MAPK14: variants seen among roughly 807,000 people sequenced by gnomAD.
The protein encoded by MAPK14 is mitogen-activated protein kinase 14.
MAPK14 carries 16 observed loss-of-function variants against 49.6 expected under a neutral mutation model. The observed-to-expected ratio is 0.32, with a 90% CI of 0.22 to 0.49. MAPK14 has a LOEUF of 0.49. Among genes scored for constraint, MAPK14 ranks in the 20% least tolerant of loss-of-function variants. MAPK14 has a pLI of 0.99. For missense variants in MAPK14, 200 were observed against 441.2 expected (o/e 0.45, Z 4.90); for synonymous variants, 142 against 158.0 (o/e 0.90, Z 0.76).
rs1462516796 is a variant in MAPK14, at chr6:36,062,074, T to A, written c.305+2727T>A. The stretch of plus-strand genomic sequence containing the variant: ...CTCACTGCCACCTCTGCCTCCCAGC[T>A]CATGCAATCCTCCCACCTCAGTCCC... On this transcript the variant is annotated intron_variant, in intron 3 of 11. Coordinates refer to ENST00000229794, the MANE Select transcript of MAPK14 (RefSeq NM_139012.3). Among the ~76,000 whole-genome samples the A allele has an allele frequency of 2.6e-5, 4 of 152,282 alleles. No homozygotes were observed. In the South Asian group the frequency reaches 8.3e-4, roughly 32 times the overall value.
Position 36,107,432 on chromosome 6 carries a change from C to T in MAPK14, c.842-23C>T. 1 of 1,466,850 alleles carries T rather than the reference C, an allele frequency of 6.8e-7. No homozygotes were observed. The highest frequency in any genetic ancestry group is 9.1e-7 in the Non-Finnish European group (1 of 1,101,866). The allele number at this position is 1,466,850 out of a possible 1,614,324, so 90.9% of individuals were successfully genotyped here. ...TTGTAACATGTTAAAAACTCTTTTC[C>T]TTCCTGTCTATGGTACTGATAGCTG... On this transcript the variant is annotated intron_variant, in intron 10 of 11. Transcript: ENST00000229794. This position sits in a 1 kb window ranked among gnomAD's most constrained non-coding sequence, Gnocchi z 4.3.
intron 7 of MAPK14, 105 bp downstream of exon 7, chr6:36,076,067 T>C: frequency 8.4e-7 from 1 of 1,190,030 alleles, no homozygotes; most frequent in East Asian, 2.5e-5. Context: ...TGTCTTTTCT[T>C]CCCTCAGTGA....
At chr6:36,104,068 C>T (rs952613373) in intron 10 of MAPK14, among the ~76,000 whole-genome samples, 4 of 152,132 alleles carry the variant, frequency 2.6e-5, no homozygotes, top group African/African-American at 9.7e-5. Flanking sequence ...ATTTTAGTGT[C>T]GCTGTGATAA....
chr6:36,052,910 A>G, intron 2 of MAPK14, 82 bp downstream of exon 2: 5 of 1,258,868 alleles, frequency 4.0e-6, no homozygotes, highest in Non-Finnish European at 3.3e-6. Context: ...AGATGGAAAT[A>G]CGCTGGAGTG....
intron 1 of MAPK14, among the ~76,000 whole-genome samples, chr6:36,037,746 G>T (rs1644876855): frequency 6.6e-6 from 1 of 152,150 alleles, no homozygotes; most frequent in Non-Finnish European, 1.5e-5. Context: ...TGCACTTTGG[G>T]AGGCCAAGGT....
intron 1 of MAPK14, among the ~76,000 whole-genome samples, chr6:36,044,809 A>T (rs2127407444): frequency 6.6e-6 from 1 of 152,274 alleles, no homozygotes; most frequent in South Asian, 2.1e-4. Flanking sequence ...TGTTTTTCTA[A>T]ATGTATTTAA....
intron 3 of MAPK14, among the ~76,000 whole-genome samples, chr6:36,061,056 G>C (rs1763802258): frequency 6.6e-6 from 1 of 152,180 alleles, no homozygotes; most frequent in South Asian, 2.1e-4. Context: ...GAGCCCTACT[G>C]TATGCTATAG....
chr6:36,069,554 T>C (rs1173594724), intron 3 of MAPK14, among the ~76,000 whole-genome samples: 1 of 152,230 alleles, frequency 6.6e-6, no homozygotes, highest in Non-Finnish European at 1.5e-5. Context: ...TAGTTATTAC[T>C]ATATAGACTG....
At chr6:36,046,222 C>T (rs1763174038) in intron 1 of MAPK14, among the ~76,000 whole-genome samples, 1 of 152,078 alleles carries the variant, frequency 6.6e-6, no homozygotes, top group Non-Finnish European at 1.5e-5. Flanking sequence ...TTATTTTTTA[C>T]TATACCAATG....
At chr6:36,058,882 CTTTT>C (rs70975128) in intron 2 of MAPK14, among the ~76,000 whole-genome samples, 4 of 128,404 alleles carry the variant, frequency 3.1e-5, no homozygotes, top group Admixed American at 7.9e-5. Flanking sequence ...GATCCTGACT[CTTTT>C]TTTTTTTTTT....
At chr6:36,066,089 G>A (rs75623583) in intron 3 of MAPK14, among the ~76,000 whole-genome samples, 13,285 of 152,004 alleles carry the variant, frequency 0.087, 705 homozygotes, top group Middle Eastern at 0.12. Flanking sequence ...GTAACATCTT[G>A]GAGGGTACAA....
At chr6:36,039,191 C>A (rs1762861279) in intron 1 of MAPK14, among the ~76,000 whole-genome samples, 1 of 152,086 alleles carries the variant, frequency 6.6e-6, no homozygotes, top group African/African-American at 2.4e-5. Context: ...CAGATGTAAA[C>A]CCCTCTCCTC....
At chr6:36,042,323 A>G (rs565496857) in intron 1 of MAPK14, among the ~76,000 whole-genome samples, 45 of 152,118 alleles carry the variant, frequency 3.0e-4, no homozygotes, top group African/African-American at 1.0e-3. Flanking sequence ...GTCTTGGTGG[A>G]GTGTAAAGAA....
Position 36,028,815 on chromosome 6 carries a change from A to G in MAPK14, c.116+542A>G, listed in dbSNP as rs1443988959. 7.3e-6 allele frequency among the ~76,000 whole-genome samples: 1 copy of G among 137,852 alleles called. No individual in the cohort carries two copies. Among genetic ancestry groups the G allele is most frequent in the South Asian group, 2.4e-4 (1 of 4,110 alleles). The allele number at this position is 137,852 out of a possible 152,430, so 90.4% of individuals were successfully genotyped here. ...CCTTTTTTTTTTTTTTTTTTTTTCA[A>G]AACTCTGTCGAAATCCCATCTTGAA... On this transcript the variant is annotated intron_variant, in intron 1 of 11. Coordinates refer to ENST00000229794, the MANE Select transcript of MAPK14 (RefSeq NM_139012.3). The surrounding 1 kb of genome is among the most constrained non-coding windows in gnomAD (Gnocchi z 5.1).
intron 8 of MAPK14, 78 bp from the exon 9 acceptor site, chr6:36,095,909 T>G: frequency 1.1e-6 from 1 of 904,060 alleles, no homozygotes; most frequent in Non-Finnish European, 1.8e-6. Flanking sequence ...TTCTGTTTGT[T>G]TGTTTTTGTT....
At chr6:36,046,612 G>C (rs933363462) in intron 1 of MAPK14, among the ~76,000 whole-genome samples, 7 of 152,182 alleles carry the variant, frequency 4.6e-5, no homozygotes, top group Admixed American at 6.5e-5. Context: ...TTAAAATCCA[G>C]ATAGTCTAAT....
chr6:36,081,076 C>G (rs1050992009), intron 8 of MAPK14, among the ~76,000 whole-genome samples: 1 of 152,140 alleles, frequency 6.6e-6, no homozygotes, highest in African/African-American at 2.4e-5. Context: ...AGACCCTTAT[C>G]AGATACATGA....
intron 3 of MAPK14, among the ~76,000 whole-genome samples, chr6:36,066,351 T>C (rs1764057239): frequency 6.6e-6 from 1 of 152,130 alleles, no homozygotes; most frequent in Non-Finnish European, 1.5e-5. Context: ...TTAAGTTCTA[T>C]GTAAGATGCC....
chr6:36,078,704 T>G (rs945816527), intron 8 of MAPK14, among the ~76,000 whole-genome samples: 1 of 152,228 alleles, frequency 6.6e-6, no homozygotes, highest in African/African-American at 2.4e-5. Flanking sequence ...TTATTCTACT[T>G]GGCTCTTTTT....
Sources: allele counts gnomAD v4.1 joint callset (sites outside exome capture counted in the v4.1 genomes callset), GRCh38; gene constraint gnomAD v4.1.1; non-coding constraint Gnocchi (gnomAD v3.1); transcripts MANE v1.5; gene names NCBI Gene and HGNC (gene_info 2026-07-23, HGNC 2026-07-21).